The following PRKCE variants were observed in gnomAD, a reference collection of about 807,000 sequenced individuals.
PRKCE encodes protein kinase C epsilon type.
Under a neutral mutation model 85.4 loss-of-function variants are expected in PRKCE, and 16 were observed. The observed-to-expected ratio is 0.19, with a 90% CI of 0.13 to 0.28. The LOEUF is 0.28. Among genes scored for constraint, PRKCE ranks in the 10% least tolerant of loss-of-function variants. The pLI, the probability that PRKCE is intolerant of heterozygous loss-of-function variation, is 1.00. For missense variants in PRKCE, 573 were observed against 975.2 expected (o/e 0.59, Z 5.49); for synonymous variants, 388 against 371.5 (o/e 1.04, Z -0.51).
intron 2 of PRKCE, among the ~76,000 whole-genome samples, chr2:45,859,323 C>G (rs186469116): frequency 6.6e-6 from 1 of 152,088 alleles, no homozygotes; most frequent in East Asian, 1.9e-4. Flanking sequence ...TATAGTTTCT[C>G]TAGATTATTT....
intron 1 of PRKCE, among the ~76,000 whole-genome samples, chr2:45,662,193 T>C (rs1048805703): frequency 6.6e-6 from 1 of 152,218 alleles, no homozygotes; most frequent in Non-Finnish European, 1.5e-5. Flanking sequence ...TATTCATTCA[T>C]TGTTCTGGCC....
chr2:45,986,497 C>T (rs2104610083), intron 6 of PRKCE, among the ~76,000 whole-genome samples: 1 of 152,150 alleles, frequency 6.6e-6, no homozygotes, highest in African/African-American at 2.4e-5. Flanking sequence ...GCTACCAGGC[C>T]TGGGTGCAGA....
At chr2:46,097,510 A>C in intron 11 of PRKCE, among the ~76,000 whole-genome samples, 4 of 128,958 alleles carry the variant, frequency 3.1e-5, no homozygotes, top group Non-Finnish European at 3.4e-5. Flanking sequence ...ACAGAGCGAG[A>C]CTCCGTCTCA....
At position 46,004,444 on chromosome 2, in the gene PRKCE, C is replaced by G. The variant is rs991358472; in HGVS notation, c.967-98C>G. The G allele has an allele frequency of 1.0e-6, 1 of 997,604 alleles. No homozygotes were observed. Among genetic ancestry groups the G allele is most frequent in the Non-Finnish European group, 1.5e-6 (1 of 663,296 alleles). The allele number at this position is 997,604 out of a possible 1,614,324, so 61.8% of individuals were successfully genotyped here. Reference sequence around the variant, plus strand: ...TACTGAATTCCTGCTGCTCTGGGAACTCTCATGGCTCTTATACGGCATCTT... The same window carrying G: ...TACTGAATTCCTGCTGCTCTGGGAAGTCTCATGGCTCTTATACGGCATCTT... On this transcript the variant is annotated intron_variant, in intron 7 of 14. Coordinates refer to ENST00000306156, the MANE Select transcript of PRKCE (RefSeq NM_005400.3). This position sits in a 1 kb window ranked among gnomAD's most constrained non-coding sequence, Gnocchi z 4.1.
intron 1 of PRKCE, among the ~76,000 whole-genome samples, chr2:45,725,849 G>A (rs1014810489): frequency 2.7e-5 from 4 of 150,764 alleles, no homozygotes; most frequent in South Asian, 2.1e-4. Context: ...ACAAAAAACC[G>A]CCACCAACAA....
At chr2:46,044,960 A>G (rs1708430939) in intron 10 of PRKCE, among the ~76,000 whole-genome samples, 1 of 152,234 alleles carries the variant, frequency 6.6e-6, no homozygotes, top group African/African-American at 2.4e-5. Flanking sequence ...TTCGTTATGT[A>G]TAGTATATGT....
intron 9 of PRKCE, among the ~76,000 whole-genome samples, chr2:46,009,967 G>A (rs928154415): frequency 6.6e-6 from 1 of 152,240 alleles, no homozygotes; most frequent in Admixed American, 6.5e-5. Context: ...TTCAACAGAT[G>A]TGCATTGAAC....
intron 1 of PRKCE, among the ~76,000 whole-genome samples, chr2:45,749,076 G>T (rs527713791): frequency 6.6e-6 from 1 of 152,182 alleles, no homozygotes; most frequent in African/African-American, 2.4e-5. Flanking sequence ...TTTTAGTAGA[G>T]ACGGGGTTTC....
intron 8 of PRKCE, among the ~76,000 whole-genome samples, chr2:46,006,869 A>T (rs1174547995): frequency 1.3e-5 from 2 of 152,212 alleles, no homozygotes; most frequent in Non-Finnish European, 2.9e-5. Context: ...TGTTAATAAT[A>T]AGCCCATTGC....
chr2:45,803,369 C>G (rs1174781614), intron 1 of PRKCE, among the ~76,000 whole-genome samples: 3 of 152,208 alleles, frequency 2.0e-5, no homozygotes, highest in Non-Finnish European at 2.9e-5. Flanking sequence ...ATCATAGGCG[C>G]TGGTGCTACC....
intron 2 of PRKCE, among the ~76,000 whole-genome samples, chr2:45,882,865 C>A (rs905126689): frequency 2.6e-5 from 4 of 152,248 alleles, no homozygotes; most frequent in Non-Finnish European, 5.9e-5. Flanking sequence ...TCACCTCTGG[C>A]AGGACAAGCA....
rs568670003 is a variant in PRKCE at position 46,133,538 on chromosome 2, C to A, written c.1593-11555C>A. ...TTATTACATAGTAGGGGCAAGTAGTCAATGAATATATCAGTGATTGTAATC... is the reference window on the plus strand; with the variant it reads ...TTATTACATAGTAGGGGCAAGTAGTAAATGAATATATCAGTGATTGTAATC... On this transcript the variant is annotated intron_variant, in intron 11 of 14. Transcript: ENST00000306156. 3.9e-5 allele frequency among the ~76,000 whole-genome samples: 6 copies of A among 152,308 alleles called. No homozygotes were observed. The South Asian group carries it at 8.3e-4, about 21-fold the overall frequency.
chr2:46,100,216 A>G (rs956270991), intron 11 of PRKCE, among the ~76,000 whole-genome samples: 1 of 152,170 alleles, frequency 6.6e-6, no homozygotes, highest in African/African-American at 2.4e-5. Context: ...AGTGCCCCTG[A>G]GGAACATTCA....
At chr2:45,906,391 A>C (rs1244686038) in intron 2 of PRKCE, among the ~76,000 whole-genome samples, 1 of 152,252 alleles carries the variant, frequency 6.6e-6, no homozygotes, top group Non-Finnish European at 1.5e-5. Context: ...TCAGCTGCAG[A>C]ATTGCTGTGA....
chr2:45,962,206 G>C (rs1442389720), intron 2 of PRKCE, among the ~76,000 whole-genome samples: 1 of 152,212 alleles, frequency 6.6e-6, no homozygotes, highest in African/African-American at 2.4e-5. Flanking sequence ...TAGGATGGAA[G>C]GTGAATTTTA....
At chr2:45,711,530 C>T (rs1411457283) in intron 1 of PRKCE, among the ~76,000 whole-genome samples, 4 of 152,234 alleles carry the variant, frequency 2.6e-5, no homozygotes, top group South Asian at 2.1e-4. Context: ...AAGCACTTAG[C>T]GTGCCTGGTG....
At chr2:45,721,148 C>G (rs974345817) in intron 1 of PRKCE, among the ~76,000 whole-genome samples, 1 of 151,966 alleles carries the variant, frequency 6.6e-6, no homozygotes, top group Non-Finnish European at 1.5e-5. Context: ...TAGGTGCTGT[C>G]GGAAGAGCAG....
chr2:45,908,958 G>T (rs190657697), intron 2 of PRKCE, among the ~76,000 whole-genome samples: 1 of 152,208 alleles, frequency 6.6e-6, no homozygotes, highest in South Asian at 2.1e-4. Context: ...ATGTCTAATC[G>T]ATTGGCCACT....
At chr2:45,972,879 T>C (rs72804716) in intron 2 of PRKCE, among the ~76,000 whole-genome samples, 3,704 of 152,254 alleles carry the variant, frequency 0.024, 95 homozygotes, top group East Asian at 0.15. Context: ...CTCAAAGGCA[T>C]TTTTCAATAA....
Sources: allele counts gnomAD v4.1 joint callset (sites outside exome capture counted in the v4.1 genomes callset), GRCh38; gene constraint gnomAD v4.1.1; non-coding constraint Gnocchi (gnomAD v3.1); transcripts MANE v1.5; gene names NCBI Gene and HGNC (gene_info 2026-07-23, HGNC 2026-07-21).